The following PARD3 variants were observed in gnomAD, a reference collection of about 807,000 sequenced individuals.
PARD3 encodes par-3 family cell polarity regulator.
In PARD3, 75 loss-of-function variants were observed where a neutral mutation model predicts 155.4. The observed-to-expected ratio is 0.48, with a 90% CI of 0.40 to 0.58. The LOEUF is 0.58. Ranked by LOEUF, PARD3 falls within the 20% of genes least tolerant of loss-of-function variation. PARD3 has a pLI of 0.00. For synonymous variants in PARD3, 576 were observed against 610.5 expected (o/e 0.94, Z 0.83); for missense variants, 1,642 against 1,721.7 (o/e 0.95, Z 0.82).
At chr10:34,676,946 G>T (rs1346301171) in intron 2 of PARD3, among the ~76,000 whole-genome samples, 1 of 152,136 alleles carries the variant, frequency 6.6e-6, no homozygotes, top group Admixed American at 6.5e-5. Flanking sequence ...AGTCTACACA[G>T]AAAGTTTAAT....
chr10:34,806,167 A>ACC (rs1233380382), intron 1 of PARD3, among the ~76,000 whole-genome samples: 5 of 151,090 alleles, frequency 3.3e-5, no homozygotes, highest in Non-Finnish European at 5.9e-5. Context: ...AGCAGCTGGG[A>ACC]CTAAAGATGC....
intron 2 of PARD3, among the ~76,000 whole-genome samples, chr10:34,522,284 T>C (rs2082195425): frequency 6.6e-6 from 1 of 151,992 alleles, no homozygotes. Context: ...CCAAGGAAAG[T>C]GAGCAGCATT....
chr10:34,510,821 T>C (rs1345792544), intron 3 of PARD3, among the ~76,000 whole-genome samples: 9 of 152,162 alleles, frequency 5.9e-5, no homozygotes, highest in Non-Finnish European at 1.0e-4. Flanking sequence ...TCTAGAGATA[T>C]TGTATTAATC....
At chr10:34,732,880 G>A (rs1224634138) in intron 1 of PARD3, among the ~76,000 whole-genome samples, 1 of 152,146 alleles carries the variant, frequency 6.6e-6, no homozygotes, top group East Asian at 1.9e-4. Flanking sequence ...CACACCCAGT[G>A]TGAGGAACAT....
intron 1 of PARD3, among the ~76,000 whole-genome samples, chr10:34,798,048 G>A (rs4934660): frequency 0.35 from 53,675 of 151,876 alleles, 10,640 homozygotes; most frequent in African/African-American, 0.55. Flanking sequence ...GACTGGATAT[G>A]GTAGCTCACC....
intron 1 of PARD3, among the ~76,000 whole-genome samples, chr10:34,812,172 T>G (rs1269573041): frequency 6.6e-6 from 1 of 152,216 alleles, no homozygotes; most frequent in Non-Finnish European, 1.5e-5. Context: ...GCCAGAAAAT[T>G]AGCCCCACCA....
intron 22 of PARD3, among the ~76,000 whole-genome samples, chr10:34,226,302 C>T (rs1449428735): frequency 5.3e-5 from 8 of 152,232 alleles, no homozygotes; most frequent in Non-Finnish European, 1.0e-4. Context: ...GTAATCCCAA[C>T]GCTTTGGGAG....
chr10:34,642,242 A>C, intron 2 of PARD3, among the ~76,000 whole-genome samples: 1 of 148,862 alleles, frequency 6.7e-6, no homozygotes, highest in Non-Finnish European at 1.5e-5. Flanking sequence ...CTGCTTCTGT[A>C]CTCTCCACCT....
At chr10:34,318,505 A>G (rs958998752) in intron 19 of PARD3, among the ~76,000 whole-genome samples, 1 of 152,160 alleles carries the variant, frequency 6.6e-6, no homozygotes, top group African/African-American at 2.4e-5. Flanking sequence ...CCTCCAAATC[A>G]AGTTAATATA....
At chr10:34,336,043 ATTTCT>A (rs1292452433) in intron 18 of PARD3, among the ~76,000 whole-genome samples, 151 bp downstream of exon 18, 3 of 152,074 alleles carry the variant, frequency 2.0e-5, no homozygotes, top group Non-Finnish European at 4.4e-5. Context: ...AACAGAAAAT[ATTTCT>A]TTTCTTATGT....
intron 22 of PARD3, among the ~76,000 whole-genome samples, chr10:34,135,373 T>A (rs1295232587): frequency 6.6e-6 from 1 of 152,218 alleles, no homozygotes; most frequent in Non-Finnish European, 1.5e-5. Context: ...GTTTTGGTTT[T>A]TGTTGTTTTT....
At chr10:34,176,197 C>T (rs772140579) in intron 22 of PARD3, among the ~76,000 whole-genome samples, 6 of 152,070 alleles carry the variant, frequency 3.9e-5, no homozygotes, top group South Asian at 2.1e-4. Context: ...CCTTCTTTGA[C>T]GTATTAGAGC....
At chr10:34,363,457 A>G (rs1189315280) in intron 12 of PARD3, among the ~76,000 whole-genome samples, 1 of 152,202 alleles carries the variant, frequency 6.6e-6, no homozygotes, top group Non-Finnish European at 1.5e-5. Context: ...CTATTAATCC[A>G]TTTGGCTTTT....
intron 2 of PARD3, among the ~76,000 whole-genome samples, chr10:34,690,563 T>C (rs951651186): frequency 1.3e-5 from 2 of 152,244 alleles, no homozygotes; most frequent in South Asian, 2.1e-4. Flanking sequence ...CTCAGAAGCA[T>C]TGAGATCGTA....
intron 3 of PARD3, among the ~76,000 whole-genome samples, chr10:34,492,227 GAA>G (rs1305371882): frequency 6.6e-6 from 1 of 152,110 alleles, no homozygotes; most frequent in Admixed American, 6.6e-5. Flanking sequence ...AACATAAAAA[GAA>G]GAGTCATCCA....
intron 2 of PARD3, among the ~76,000 whole-genome samples, chr10:34,666,816 T>TATATATGTATATATATATAC (rs765552982): frequency 1.4e-4 from 12 of 88,764 alleles, no homozygotes; most frequent in African/African-American, 4.7e-4. Context: ...TATATATATA[T>TATATATGTATATATATATAC]ACACACACAC....
At chr10:34,473,839 T>C (rs1165402783) in intron 3 of PARD3, among the ~76,000 whole-genome samples, 1 of 152,198 alleles carries the variant, frequency 6.6e-6, no homozygotes, top group Non-Finnish European at 1.5e-5. Context: ...AAAGTGAGTA[T>C]AAATATGATT....
chr10:34,463,129 A>G (rs1175962350), intron 4 of PARD3, among the ~76,000 whole-genome samples: 1 of 106,358 alleles, frequency 9.4e-6, no homozygotes, highest in African/African-American at 3.7e-5. Context: ...AAAGGAAAGG[A>G]AAAGGGAAAG....
intron 1 of PARD3, among the ~76,000 whole-genome samples, chr10:34,805,121 G>A (rs2134369176): frequency 6.6e-6 from 1 of 152,322 alleles, no homozygotes; most frequent in South Asian, 2.1e-4. Flanking sequence ...ACTTTGCAAG[G>A]CTGAGGCGGG....
Sources: allele counts gnomAD v4.1 joint callset (sites outside exome capture counted in the v4.1 genomes callset), GRCh38; gene constraint gnomAD v4.1.1; transcripts MANE v1.5; gene names NCBI Gene and HGNC (gene_info 2026-07-23, HGNC 2026-07-21).